ATG4C: variants seen among roughly 807,000 people sequenced by gnomAD.
ATG4C encodes autophagy related 4C cysteine peptidase, also known as cysteine protease ATG4C.
In ATG4C, 56 loss-of-function variants were observed where a neutral mutation model predicts 57.6. The observed-to-expected ratio is 0.97, with a 90% CI of 0.78 to 1.21. ATG4C has a LOEUF of 1.21. Among genes scored for constraint, ATG4C ranks in the 50% most tolerant of loss-of-function variants. The pLI, the probability that ATG4C is intolerant of heterozygous loss-of-function variation, is 0.00. For synonymous variants in ATG4C, 157 were observed against 174.1 expected, an observed-to-expected ratio of 0.90 and a Z score of 0.78; for missense variants, 595 against 529.8, an observed-to-expected ratio of 1.12 and a Z score of -1.21.
intron 6 of ATG4C, among the ~76,000 whole-genome samples, chr1:62,827,342 T>C (rs1665695752): frequency 2.0e-5 from 3 of 151,938 alleles, no homozygotes; most frequent in Admixed American, 2.0e-4. Flanking sequence ...TTTGATCTTT[T>C]AACTTGGAAT....
intron 7 of ATG4C, among the ~76,000 whole-genome samples, chr1:62,832,015 C>A (rs1665857041): frequency 6.6e-6 from 1 of 152,140 alleles, no homozygotes; most frequent in Non-Finnish European, 1.5e-5. Context: ...TGCATTTCAA[C>A]TGATCAGACT....
chr1:62,834,836 A>C lies in ATG4C; in HGVS notation c.1073A>C (p.Lys358Thr). 6.2e-7 allele frequency: 1 copy of C among 1,612,064 alleles called. No homozygotes were observed. The highest frequency in any genetic ancestry group is 8.5e-7 in the Non-Finnish European group (1 of 1,178,582). The change falls in exon 9 of 11, where the codon AAG becomes ACG. Residue 358 changes from lysine to threonine, a missense_variant. Lys to Thr is a moderately conservative substitution (Grantham distance 78). Coordinates refer to ENST00000317868, the MANE Select transcript of ATG4C (RefSeq NM_032852.4). ...CAATCTTTTGTAGATGTCAGCATAA[A>C]GGATTTCCCTCTTGAGGTACTGTGG... ...YCQSFVDVSI[K>T]DFPLETFHCP...
At position 62,819,092 on chromosome 1, in the gene ATG4C, T is replaced by G. The variant is rs1557973106; in HGVS notation, c.482T>G (p.Phe161Cys). 6.2e-7 allele frequency: 1 copy of G among 1,611,938 alleles called. No homozygotes were observed. Among genetic ancestry groups the G allele is most frequent in the Middle Eastern group, 1.7e-4 (1 of 6,038 alleles). ...SHTVKKFTAS[F>C]EASLSGEREF... is the part of the protein sequence containing the mutation. ...ACTGTCAAAAAATTTACTGCATCAT[T>G]TGAAGCATCACTTTCAGGGGAAAGA... Residue 161 changes from phenylalanine to cysteine, a missense_variant, in exon 5 of 11, where the codon TTT (phenylalanine) becomes TGT (cysteine). Phe to Cys is a radical substitution (Grantham distance 205). Coordinates refer to ENST00000317868, the MANE Select transcript of ATG4C (RefSeq NM_032852.4).
At chr1:62,860,225 T>A (rs1445984756) in intron 10 of ATG4C, among the ~76,000 whole-genome samples, 1 of 152,200 alleles carries the variant, frequency 6.6e-6, no homozygotes. Flanking sequence ...TCTCCTATGA[T>A]AACAGTGCCT....
chr1:62,806,053 C>G lies in ATG4C; in HGVS notation c.160+798C>G, dbSNP rs72669559. Among the ~76,000 whole-genome samples, 8 of 152,188 alleles carry G rather than the reference C, an allele frequency of 5.3e-5. No homozygotes were observed. In the South Asian group the frequency reaches 1.7e-3, roughly 32 times the overall value. On this transcript the variant is annotated intron_variant, in intron 3 of 10. Transcript: ENST00000317868. ...TCATTTATTAGCAATTTTCTAAAAC[C>G]TGTAAATGGCTTGTAGTAATAACAG...
intron 10 of ATG4C, among the ~76,000 whole-genome samples, chr1:62,842,898 A>T (rs111656754): frequency 1.3e-5 from 2 of 152,250 alleles, no homozygotes; most frequent in African/African-American, 4.8e-5. Context: ...CTATTACTGG[A>T]AATTAGTATA....
rs1666974127 is a variant in ATG4C, at chr1:62,865,456, G to GTTTCTCATCA, written c.*1300_*1301insCTCATCATTT. 6.6e-6 allele frequency: 1 copy of GTTTCTCATCA among 151,834 alleles called. No individual in the cohort carries two copies. Among genetic ancestry groups the GTTTCTCATCA allele is most frequent in the Admixed American group, 6.6e-5 (1 of 15,202 alleles). The allele number at this position is 151,834 out of a possible 1,614,324, so 9.4% of individuals were successfully genotyped here. A position where few individuals can be genotyped will look rare whatever the true frequency, so the allele number is the denominator to read the frequency against. ...TAGTATACCTGATGAGAAAAATCAG[G>GTTTCTCATCA]TTTGACATTTCTCAGTGAAGATTAC... On this transcript the variant is annotated 3_prime_UTR_variant, in exon 11 of 11. Transcript: ENST00000317868.
chr1:62,791,191 C>T (rs781351044), intron 1 of ATG4C, among the ~76,000 whole-genome samples: 10 of 152,064 alleles, frequency 6.6e-5, no homozygotes, highest in Non-Finnish European at 1.5e-4. Context: ...AACCATTTTG[C>T]TTATTAGAAT....
chr1:62,834,987 A>G (rs934600496), intron 9 of ATG4C, 135 bp downstream of exon 9: 4 of 647,402 alleles, frequency 6.2e-6, no homozygotes, highest in Middle Eastern at 4.4e-4. Flanking sequence ...GATCTATAGA[A>G]CCATAATTAA....
At chr1:62,837,261 T>G (rs140913800) in intron 9 of ATG4C, among the ~76,000 whole-genome samples, 3,098 of 152,330 alleles carry the variant, frequency 0.02, 38 homozygotes, top group Non-Finnish European at 0.03. Flanking sequence ...AGTGAGTTTT[T>G]AACACATTGT....
intron 1 of ATG4C, among the ~76,000 whole-genome samples, chr1:62,801,850 C>T (rs1572102473): frequency 7.1e-6 from 1 of 140,548 alleles, no homozygotes; most frequent in African/African-American, 2.7e-5. Flanking sequence ...CCCAGTTACT[C>T]GGGAGGCTGA....
intron 3 of ATG4C, 110 bp from the exon 4 acceptor site, chr1:62,816,465 A>T: frequency 1.4e-6 from 1 of 693,902 alleles, no homozygotes; most frequent in Non-Finnish European, 2.2e-6. Flanking sequence ...TTAGAAAAAA[A>T]GGATTGGAAA....
intron 10 of ATG4C, among the ~76,000 whole-genome samples, chr1:62,859,423 G>T (rs564823940): frequency 3.3e-5 from 5 of 152,270 alleles, no homozygotes; most frequent in Admixed American, 2.0e-4. Flanking sequence ...GTAAGTATTT[G>T]TGTATCTAAA....
At chr1:62,827,729 G>T (rs1557978734) in intron 6 of ATG4C, among the ~76,000 whole-genome samples, 1 of 152,088 alleles carries the variant, frequency 6.6e-6, no homozygotes, top group Non-Finnish European at 1.5e-5. Context: ...TGTCACGGGG[G>T]TTTGTTGTAC....
intron 10 of ATG4C, among the ~76,000 whole-genome samples, chr1:62,843,510 C>T (rs1470986219): frequency 6.6e-6 from 1 of 152,034 alleles, no homozygotes; most frequent in Non-Finnish European, 1.5e-5. Flanking sequence ...TTGTTTTTAA[C>T]CCTTAAAAAT....
At position 62,803,769 on chromosome 1, in the gene ATG4C, T is replaced by C; in HGVS notation, c.-18T>C. ...GAAGAATGCAATCAAGTGATGGCTT[T>C]TCCTTTAGAATTTGAATATGGAGGC... is the stretch of plus-strand genomic sequence containing the variant. On this transcript the variant is annotated 5_prime_UTR_variant, in exon 2 of 11. Transcript: ENST00000317868. 6.4e-7 allele frequency: 1 copy of C among 1,571,264 alleles called. No homozygotes were observed. Among genetic ancestry groups the C allele is most frequent in the Non-Finnish European group, 8.7e-7 (1 of 1,154,078 alleles).
intron 3 of ATG4C, among the ~76,000 whole-genome samples, chr1:62,807,115 G>A (rs796216762): frequency 2.6e-4 from 39 of 152,256 alleles, no homozygotes; most frequent in African/African-American, 8.9e-4. Flanking sequence ...ATGCCCAGAA[G>A]GAGCACATCA....
chr1:62,797,704 A>G, intron 1 of ATG4C, among the ~76,000 whole-genome samples: 1 of 151,746 alleles, frequency 6.6e-6, no homozygotes, highest in East Asian at 1.9e-4. Flanking sequence ...TTTTTTCCTT[A>G]TTGTTGGATT....
intron 4 of ATG4C, among the ~76,000 whole-genome samples, chr1:62,817,666 G>T (rs1665325688): frequency 6.6e-6 from 1 of 152,030 alleles, no homozygotes; most frequent in African/African-American, 2.4e-5. Flanking sequence ...TTCCTAATAA[G>T]GTAATCATGC....
Sources: allele counts gnomAD v4.1 joint callset (sites outside exome capture counted in the v4.1 genomes callset), GRCh38; gene constraint gnomAD v4.1.1; transcripts MANE v1.5; gene names NCBI Gene and HGNC (gene_info 2026-07-23, HGNC 2026-07-21).